AGBL4: variants seen among roughly 807,000 people sequenced by gnomAD.
AGBL4 encodes the protein AGBL carboxypeptidase 4.
AGBL4 carries 58 observed loss-of-function variants against 66.4 expected under a neutral mutation model. The ratio of observed to expected loss-of-function variants is 0.87; its 90% CI spans 0.71 to 1.09. The LOEUF is 1.09. Ranked by LOEUF, AGBL4 falls within the 50% of genes least tolerant of loss-of-function variation. The pLI is 0.00. For missense variants in AGBL4, 579 were observed against 631.0 expected, an observed-to-expected ratio of 0.92 and a Z score of 0.88; for synonymous variants, 234 against 222.9, an observed-to-expected ratio of 1.05 and a Z score of -0.44.
chr1:49,628,884 C>A (rs899204315), intron 3 of AGBL4, among the ~76,000 whole-genome samples: 1 of 152,138 alleles, frequency 6.6e-6, no homozygotes, highest in African/African-American at 2.4e-5. Context: ...CTGCTATGTT[C>A]CCGAGGCCTT....
intron 3 of AGBL4, among the ~76,000 whole-genome samples, chr1:49,506,249 A>G (rs962697242): frequency 6.6e-6 from 1 of 152,132 alleles, no homozygotes; most frequent in African/African-American, 2.4e-5. Context: ...AAAGAAAAAA[A>G]TTTTACAAAA....
At position 49,949,084 on chromosome 1, in the gene AGBL4, AGT is replaced by A. The variant is rs910480634; in HGVS notation, c.34+74677_34+74678del. ...TTTGACAAAGCAGACAAAAACATAAAGTGGGGAAAGGACACCCTATTCAACAA... is the reference window on the plus strand; with the variant it reads ...TTTGACAAAGCAGACAAAAACATAAAGGGGAAAGGACACCCTATTCAACAA... On this transcript the variant is annotated intron_variant, in intron 1 of 13. Coordinates refer to ENST00000371839, the MANE Select transcript of AGBL4 (RefSeq NM_032785.4). Among the ~76,000 whole-genome samples, 5 of 151,514 alleles carry A rather than the reference AGT, an allele frequency of 3.3e-5. No individual in the cohort carries two copies. The East Asian group carries it at 9.7e-4, about 29-fold the overall frequency.
intron 1 of AGBL4, among the ~76,000 whole-genome samples, chr1:49,951,040 C>T (rs947408190): frequency 1.3e-5 from 2 of 151,140 alleles, no homozygotes; most frequent in African/African-American, 2.4e-5. Context: ...AACTTGAATG[C>T]GTAAAAGCAG....
chr1:49,109,574 T>A (rs764241152), intron 4 of AGBL4, among the ~76,000 whole-genome samples: 2 of 152,236 alleles, frequency 1.3e-5, no homozygotes, highest in Non-Finnish European at 1.5e-5. Context: ...AATTAATATA[T>A]GTTAGTATTT....
chr1:49,845,970 A>T, intron 2 of AGBL4: 2 of 1,568,780 alleles, frequency 1.3e-6, no homozygotes, highest in South Asian at 1.1e-5. Context: ...CTCACCAAAC[A>T]TCAGCGAAAC....
chr1:49,565,987 G>T (rs1235357403), intron 3 of AGBL4, among the ~76,000 whole-genome samples: 2 of 152,098 alleles, frequency 1.3e-5, no homozygotes, highest in South Asian at 2.1e-4. Context: ...TTTCTTGGAG[G>T]CTTTGTTCAT....
chr1:49,500,011 T>A (rs1647989952), intron 3 of AGBL4, among the ~76,000 whole-genome samples: 1 of 152,052 alleles, frequency 6.6e-6, no homozygotes, highest in Non-Finnish European at 1.5e-5. Context: ...AGTGTTCCCT[T>A]TTCACCACAT....
chr1:49,624,246 G>A (rs1490267849), intron 3 of AGBL4, among the ~76,000 whole-genome samples: 2 of 152,014 alleles, frequency 1.3e-5, no homozygotes, highest in Admixed American at 1.3e-4. Context: ...TGTGGTTACT[G>A]TATTAAATTA....
intron 5 of AGBL4, among the ~76,000 whole-genome samples, chr1:48,869,730 G>C (rs1648462353): frequency 6.6e-6 from 1 of 152,096 alleles, no homozygotes; most frequent in South Asian, 2.1e-4. Flanking sequence ...CCCTCTTCTG[G>C]TGTAGAACTC....
intron 4 of AGBL4, among the ~76,000 whole-genome samples, chr1:49,219,349 TA>T (rs1295081207): frequency 2.0e-5 from 3 of 152,208 alleles, no homozygotes; most frequent in Non-Finnish European, 4.4e-5. Flanking sequence ...GTTCTATTCT[TA>T]TTAGGAGATG....
chr1:49,024,792 C>T (rs1341997079), intron 5 of AGBL4, among the ~76,000 whole-genome samples: 1 of 152,130 alleles, frequency 6.6e-6, no homozygotes, highest in Non-Finnish European at 1.5e-5. Context: ...TTCAATTTCA[C>T]TTCTGTTATC....
chr1:49,347,783 C>T (rs1476826311), intron 3 of AGBL4, among the ~76,000 whole-genome samples: 1 of 151,592 alleles, frequency 6.6e-6, no homozygotes, highest in African/African-American at 2.4e-5. Flanking sequence ...TCGCTTGAAC[C>T]CGGGAGGCAG....
intron 4 of AGBL4, among the ~76,000 whole-genome samples, chr1:49,229,084 G>A (rs1183843915): frequency 6.6e-6 from 1 of 152,114 alleles, no homozygotes; most frequent in African/African-American, 2.4e-5. Context: ...CATTTCCCCA[G>A]CTTGCTAAAC....
chr1:48,940,103 C>T (rs1655832625), intron 5 of AGBL4, among the ~76,000 whole-genome samples: 1 of 152,174 alleles, frequency 6.6e-6, no homozygotes, highest in African/African-American at 2.4e-5. Context: ...GTGAGATAAG[C>T]AGGTTGGAGA....
At chr1:49,597,449 G>C (rs1644872970) in intron 3 of AGBL4, among the ~76,000 whole-genome samples, 1 of 152,208 alleles carries the variant, frequency 6.6e-6, no homozygotes, top group Non-Finnish European at 1.5e-5. Flanking sequence ...GTCATCTCAA[G>C]CTGACACTTA....
In AGBL4 at chr1:49,840,203, T is replaced by C. The variant is rs187668478; in HGVS notation, c.157+11193A>G. Among the ~76,000 whole-genome samples the C allele has an allele frequency of 5.3e-5, 8 of 152,266 alleles. No homozygotes were observed. The East Asian group carries it at 1.2e-3, about 22-fold the overall frequency. On this transcript the variant is annotated intron_variant, in intron 2 of 13. Transcript: ENST00000371839. ...CTCTTTCTGATTCAATCTTGGGACA[T>C]AGTGTGCTTCCAGGAATTTAACCAT...
At chr1:49,090,464 T>C (rs1308222800) in intron 4 of AGBL4, among the ~76,000 whole-genome samples, 2 of 151,882 alleles carry the variant, frequency 1.3e-5, no homozygotes, top group Non-Finnish European at 2.9e-5. Context: ...GAGAACCAAA[T>C]CAAGAATGCA....
At chr1:48,734,816 G>C in intron 6 of AGBL4, among the ~76,000 whole-genome samples, 1 of 152,284 alleles carries the variant, frequency 6.6e-6, no homozygotes, top group Middle Eastern at 3.4e-3. Flanking sequence ...TGAAGTTATC[G>C]AGCTTGTTCC....
At chr1:48,608,091 CTT>C (rs1645179726) in intron 9 of AGBL4, among the ~76,000 whole-genome samples, 1 of 152,184 alleles carries the variant, frequency 6.6e-6, no homozygotes, top group Non-Finnish European at 1.5e-5. Context: ...ATCACAAACT[CTT>C]TACAATCTTT....
Sources: gnomAD v4.1 joint callset for allele counts (sites outside exome capture counted in the v4.1 genomes callset) on GRCh38, gnomAD v4.1.1 for gene constraint, MANE v1.5 for transcripts, NCBI Gene and HGNC (gene_info 2026-07-23, HGNC 2026-07-21) for gene names.